PPP2R2A: variants seen among roughly 807,000 people sequenced by gnomAD.
The protein encoded by PPP2R2A is serine/threonine-protein phosphatase 2A 55 kDa regulatory subunit B alpha isoform.
Under a neutral mutation model 53.2 loss-of-function variants are expected in PPP2R2A, and 9 were observed. The ratio of observed to expected loss-of-function variants is 0.17; its 90% CI spans 0.10 to 0.30. The LOEUF (loss-of-function observed/expected upper bound fraction) is 0.30. PPP2R2A is among the 10% of genes least tolerant of loss of function. PPP2R2A has a pLI of 1.00. For synonymous variants in PPP2R2A, 169 were observed against 174.2 expected, an observed-to-expected ratio of 0.97 and a Z score of 0.23; for missense variants, 235 against 534.6, an observed-to-expected ratio of 0.44 and a Z score of 5.53.
chr8:26,359,407 C>T (rs577442532), intron 4 of PPP2R2A, among the ~76,000 whole-genome samples: 12 of 152,224 alleles, frequency 7.9e-5, no homozygotes, highest in Admixed American at 5.9e-4. Flanking sequence ...ACCATGGTTG[C>T]GTAAGATGTT....
intron 3 of PPP2R2A, among the ~76,000 whole-genome samples, chr8:26,341,109 C>G (rs1803917986): frequency 6.6e-6 from 1 of 152,034 alleles, no homozygotes; most frequent in African/African-American, 2.4e-5. Context: ...TGTAGAAACT[C>G]AGTAACATGT....
intron 2 of PPP2R2A, among the ~76,000 whole-genome samples, chr8:26,314,888 T>TTC (rs1563291388): frequency 8.4e-4 from 55 of 65,786 alleles, no homozygotes; most frequent in African/African-American, 9.8e-4. Flanking sequence ...TTTTTTCCCT[T>TTC]CCCCCCCCCC....
chr8:26,335,570 CTTGG>C (rs1803616990), intron 2 of PPP2R2A, among the ~76,000 whole-genome samples: 1 of 152,172 alleles, frequency 6.6e-6, no homozygotes, highest in Non-Finnish European at 1.5e-5. Context: ...TAAAAAGTGA[CTTGG>C]TTGGCTGTTT....
In PPP2R2A at chr8:26,291,586, G is replaced by A; in HGVS notation, c.-234G>A. On this transcript the variant is annotated 5_prime_UTR_variant, in exon 1 of 10. Coordinates refer to ENST00000380737, the MANE Select transcript of PPP2R2A (RefSeq NM_002717.4). Reference sequence around the variant, plus strand: ...CGCCGCCGTCGCTGTCGTAGTCGCCGCCGCCGCTGCCGGAGAAAGAGCACG... The same window carrying A: ...CGCCGCCGTCGCTGTCGTAGTCGCCACCGCCGCTGCCGGAGAAAGAGCACG... 1.8e-6 allele frequency: 1 copy of A among 552,568 alleles called. No individual in the cohort carries two copies. The highest frequency in any genetic ancestry group is 3.2e-6 in the Non-Finnish European group (1 of 313,344). 34.2% of individuals were successfully genotyped at this position (552,568 alleles called of 1,614,324 possible).
chr8:26,358,321 C>T (rs1804898034), intron 4 of PPP2R2A, among the ~76,000 whole-genome samples: 1 of 152,106 alleles, frequency 6.6e-6, no homozygotes, highest in Non-Finnish European at 1.5e-5. Context: ...ATCCTCATCA[C>T]AAATACTTTG....
intron 2 of PPP2R2A, among the ~76,000 whole-genome samples, chr8:26,317,059 A>C (rs1432087467): frequency 1.1e-4 from 17 of 152,218 alleles, no homozygotes; most frequent in Non-Finnish European, 2.9e-5. Context: ...TCCATCAGGA[A>C]TACTCGCCTG....
rs1804716658 is a variant in PPP2R2A at position 26,355,275 on chromosome 8, GT to G, written c.346+648del. Among the ~76,000 whole-genome samples, 5 of 152,172 alleles carry G rather than the reference GT, an allele frequency of 3.3e-5. No homozygotes were observed. In the South Asian group the frequency reaches 8.3e-4, roughly 25 times the overall value. On this transcript the variant is annotated intron_variant, in intron 4 of 9. Coordinates refer to ENST00000380737, the MANE Select transcript of PPP2R2A (RefSeq NM_002717.4). ...ACTTGCCAAGGGAACATTTTTTGTT[GT>G]TTTTTGAGACAATGTCTGTCGCCCA... is the stretch of plus-strand genomic sequence containing the variant.
intron 2 of PPP2R2A, among the ~76,000 whole-genome samples, chr8:26,335,872 A>G (rs1219243483): frequency 6.6e-6 from 1 of 152,156 alleles, no homozygotes; most frequent in East Asian, 1.9e-4. Flanking sequence ...TAACCACATC[A>G]CTGTACGCTA....
intron 9 of PPP2R2A, among the ~76,000 whole-genome samples, chr8:26,368,100 C>G (rs1805471276): frequency 6.6e-6 from 1 of 152,278 alleles, no homozygotes; most frequent in East Asian, 1.9e-4. Flanking sequence ...GCCTAGGTGT[C>G]CTAATACATT....
At chr8:26,320,942 A>T (rs1369763637) in intron 2 of PPP2R2A, among the ~76,000 whole-genome samples, 1 of 152,206 alleles carries the variant, frequency 6.6e-6, no homozygotes, top group East Asian at 1.9e-4. Context: ...ACTTAAACAA[A>T]TAGCTTGTCT....
intron 2 of PPP2R2A, among the ~76,000 whole-genome samples, chr8:26,323,674 G>T (rs1802951016): frequency 6.6e-6 from 1 of 152,224 alleles, no homozygotes; most frequent in Non-Finnish European, 1.5e-5. Flanking sequence ...ACAAGGTCTG[G>T]AAGGGTCCTG....
At chr8:26,306,882 G>A (rs1802048265) in intron 2 of PPP2R2A, among the ~76,000 whole-genome samples, 1 of 152,304 alleles carries the variant, frequency 6.6e-6, no homozygotes, top group East Asian at 1.9e-4. Flanking sequence ...GCAAATGTAT[G>A]CTTCTCTCTT....
At chr8:26,347,187 T>TA (rs1276834356) in intron 3 of PPP2R2A, among the ~76,000 whole-genome samples, 6 of 151,142 alleles carry the variant, frequency 4.0e-5, no homozygotes, top group East Asian at 3.9e-4. Context: ...TTTTTTTTTT[T>TA]AATCTAACAC....
intron 2 of PPP2R2A, among the ~76,000 whole-genome samples, chr8:26,337,524 C>T (rs905260610): frequency 4.6e-5 from 7 of 152,172 alleles, no homozygotes; most frequent in East Asian, 3.8e-4. Flanking sequence ...ATCCTTTATT[C>T]GCTGTAGAAG....
intron 2 of PPP2R2A, among the ~76,000 whole-genome samples, chr8:26,295,407 A>G (rs551768237): frequency 6.6e-6 from 1 of 152,340 alleles, no homozygotes; most frequent in African/African-American, 2.4e-5. Flanking sequence ...AGGTTCTGTC[A>G]ATAATGTAAT....
chr8:26,310,577 C>G (rs78440414), intron 2 of PPP2R2A, among the ~76,000 whole-genome samples: 239 of 150,734 alleles, frequency 1.6e-3, no homozygotes, highest in Non-Finnish European at 3.0e-3. Flanking sequence ...TTGTAAAGAT[C>G]ATGATGAACA....
chr8:26,369,773 A>G (rs1273697439), intron 9 of PPP2R2A, among the ~76,000 whole-genome samples: 1 of 152,214 alleles, frequency 6.6e-6, no homozygotes, highest in East Asian at 1.9e-4. Flanking sequence ...TTTGTTTTAG[A>G]ACCTGTGAGT....
chr8:26,303,252 C>A lies in PPP2R2A; in HGVS notation c.82+9512C>A, dbSNP rs528155805. 6.5e-4 allele frequency among the ~76,000 whole-genome samples: 99 copies of A among 152,284 alleles called. 1 individual carries two copies. The Middle Eastern group carries it at 0.01, about 16-fold the overall frequency. ...GTTAAAGTATCTATTTTTAAACTTA[C>A]CTCTCCCTTACAGAGATTAAATACC... On this transcript the variant is annotated intron_variant, in intron 2 of 9. Transcript: ENST00000380737.
intron 9 of PPP2R2A, among the ~76,000 whole-genome samples, chr8:26,369,599 A>G (rs143055052): frequency 1.3e-5 from 2 of 152,204 alleles, no homozygotes; most frequent in African/African-American, 2.4e-5. Flanking sequence ...TCACCATGTT[A>G]GCCAGAATGG....
Sources: gnomAD v4.1 joint callset for allele counts (sites outside exome capture counted in the v4.1 genomes callset) on GRCh38, gnomAD v4.1.1 for gene constraint, MANE v1.5 for transcripts, NCBI Gene and HGNC (gene_info 2026-07-23, HGNC 2026-07-21) for gene names.